The following LRRC49 variants were observed in gnomAD, a reference collection of about 807,000 sequenced individuals.
The protein encoded by LRRC49 is leucine rich repeat containing 49.
LRRC49 carries 50 observed loss-of-function variants against 83.3 expected under a neutral mutation model. The observed-to-expected ratio is 0.60, with a 90% confidence interval of 0.48 to 0.76. The LOEUF (loss-of-function observed/expected upper bound fraction) is 0.76. LRRC49 is among the 30% of genes least tolerant of loss of function. LRRC49 has a pLI of 0.00. For synonymous variants in LRRC49, 286 were observed against 283.3 expected (o/e 1.01, Z -0.10); for missense variants, 704 against 809.1 (o/e 0.87, Z 1.58).
At chr15:70,958,959 T>C (rs2036497807) in intron 8 of LRRC49, among the ~76,000 whole-genome samples, 1 of 152,212 alleles carries the variant, frequency 6.6e-6, no homozygotes, top group African/African-American at 2.4e-5. Flanking sequence ...CCTACATTAT[T>C]TTCTATACCA....
chr15:70,883,537 CAT>C (rs1208741348), intron 2 of LRRC49, among the ~76,000 whole-genome samples: 28 of 152,112 alleles, frequency 1.8e-4, no homozygotes, highest in Admixed American at 5.9e-4. Flanking sequence ...TCTTAGCAGT[CAT>C]ATTATTCTAG....
At chr15:70,857,532 G>C (rs981866570) in intron 1 of LRRC49, among the ~76,000 whole-genome samples, 1 of 152,114 alleles carries the variant, frequency 6.6e-6, no homozygotes, top group Admixed American at 6.5e-5. Flanking sequence ...TTAACTGTAG[G>C]TTCAGAGGGC....
chr15:71,011,857 A>G (rs563077339), intron 13 of LRRC49, among the ~76,000 whole-genome samples: 1 of 152,292 alleles, frequency 6.6e-6, no homozygotes, highest in East Asian at 1.9e-4. Context: ...GCCTGTGAAG[A>G]GTATTACAGA....
At chr15:70,989,988 T>G (rs1337207820) in intron 11 of LRRC49, among the ~76,000 whole-genome samples, 1 of 152,100 alleles carries the variant, frequency 6.6e-6, no homozygotes, top group Non-Finnish European at 1.5e-5. Context: ...TCGTTCCTCT[T>G]GAAGTTTTGT....
intron 2 of LRRC49, chr15:70,882,940 A>G: frequency 1.2e-6 from 2 of 1,611,740 alleles, no homozygotes; most frequent in Non-Finnish European, 1.7e-6. Flanking sequence ...GAAACATATT[A>G]AAGTGTACCT....
At chr15:70,934,550 A>G (rs1407970577) in intron 7 of LRRC49, among the ~76,000 whole-genome samples, 1 of 152,180 alleles carries the variant, frequency 6.6e-6, no homozygotes, top group Non-Finnish European at 1.5e-5. Flanking sequence ...TTTGATAAAG[A>G]CGTAAAATTT....
intron 15 of LRRC49, among the ~76,000 whole-genome samples, chr15:71,047,797 G>A (rs1183482859): frequency 6.6e-6 from 1 of 152,100 alleles, no homozygotes; most frequent in Non-Finnish European, 1.5e-5. Context: ...TGTTTTTTGA[G>A]ACAGAGTCTT....
Position 70,893,569 on chromosome 15 carries a change from A to G in LRRC49, c.49-15A>G. The stretch of plus-strand genomic sequence containing the variant: ...TATTAAGAGCAAATTTTATGGTTTA[A>G]TTTTTACATTTCAGGTGAACTGCGG... On this transcript the variant is annotated splice_polypyrimidine_tract_variant and intron_variant, in intron 1 of 15. Transcript: ENST00000260382. The G allele has an allele frequency of 6.3e-7, 1 of 1,589,306 alleles. No individual in the cohort carries two copies. Among genetic ancestry groups the G allele is most frequent in the Non-Finnish European group, 8.6e-7 (1 of 1,162,914 alleles).
At chr15:70,865,403 C>T (rs573398803) in intron 1 of LRRC49, among the ~76,000 whole-genome samples, 1 of 152,184 alleles carries the variant, frequency 6.6e-6, no homozygotes, top group Admixed American at 6.5e-5. Context: ...ATCATGGTTG[C>T]GTCTAACAAA....
At chr15:71,022,695 C>T (rs180938970) in intron 14 of LRRC49, among the ~76,000 whole-genome samples, 28 of 152,060 alleles carry the variant, frequency 1.8e-4, no homozygotes, top group Non-Finnish European at 3.7e-4. Context: ...AAATGTATAA[C>T]CCCAAAATTG....
chr15:71,020,751 A>G (rs562204369), intron 14 of LRRC49, among the ~76,000 whole-genome samples: 1 of 152,374 alleles, frequency 6.6e-6, no homozygotes, highest in Admixed American at 6.5e-5. Flanking sequence ...AAATAAAGAC[A>G]TTTGAAACAA....
chr15:70,973,917 A>G (rs1390062110), intron 9 of LRRC49, among the ~76,000 whole-genome samples: 1 of 152,088 alleles, frequency 6.6e-6, no homozygotes, highest in Non-Finnish European at 1.5e-5. Context: ...TCACAAGGTC[A>G]GGAGATTGAG....
intron 7 of LRRC49, among the ~76,000 whole-genome samples, chr15:70,933,372 G>A (rs1292588893): frequency 6.6e-6 from 1 of 151,786 alleles, no homozygotes; most frequent in African/African-American, 2.4e-5. Context: ...TCTCATCTTA[G>A]GTATGTTAAC....
chr15:70,989,358 C>T (rs1474382513), intron 11 of LRRC49, among the ~76,000 whole-genome samples: 8 of 152,118 alleles, frequency 5.3e-5, no homozygotes, highest in African/African-American at 1.4e-4. Flanking sequence ...TTCTAAACTT[C>T]CCTTCTTGCT....
intron 5 of LRRC49, among the ~76,000 whole-genome samples, chr15:70,906,812 T>C (rs1261531294): frequency 1.3e-5 from 2 of 152,246 alleles, no homozygotes; most frequent in South Asian, 4.1e-4. Context: ...TGCTGTGTCT[T>C]TTTCCTCTTT....
chr15:70,880,145 G>A (rs2033233267), intron 2 of LRRC49, among the ~76,000 whole-genome samples: 2 of 152,010 alleles, frequency 1.3e-5, no homozygotes, highest in African/African-American at 2.4e-5. Context: ...AGATCATTGC[G>A]TGGTCACTCC....
At chr15:70,860,672 GCAT>G (rs757704668) in intron 1 of LRRC49, among the ~76,000 whole-genome samples, 4 of 152,178 alleles carry the variant, frequency 2.6e-5, no homozygotes, top group Non-Finnish European at 4.4e-5. Context: ...CAGGTATATG[GCAT>G]TGCACTCTGC....
chr15:70,955,599 A>G (rs1398013792), intron 8 of LRRC49, among the ~76,000 whole-genome samples: 1 of 152,214 alleles, frequency 6.6e-6, no homozygotes, highest in African/African-American at 2.4e-5. Context: ...AGCCTTGAAG[A>G]TCATGTAAAC....
chr15:70,943,263 T>C (rs2035888756), intron 8 of LRRC49, among the ~76,000 whole-genome samples: 1 of 152,156 alleles, frequency 6.6e-6, no homozygotes, highest in African/African-American at 2.4e-5. Flanking sequence ...GGCAAATCTA[T>C]ATGGGTCTGC....
Sources: allele counts gnomAD v4.1 joint callset (sites outside exome capture counted in the v4.1 genomes callset), GRCh38; gene constraint gnomAD v4.1.1; transcripts MANE v1.5; gene names NCBI Gene and HGNC (gene_info 2026-07-23, HGNC 2026-07-21).